Variants in CSGALNACT1 observed in about 807,000 individuals in gnomAD.
The protein encoded by CSGALNACT1 is beta4GalNAcT-1.
CSGALNACT1 carries 52 observed loss-of-function variants against 51.0 expected under a neutral mutation model. The ratio of observed to expected loss-of-function variants is 1.02; its 90% confidence interval spans 0.82 to 1.29. The LOEUF is 1.29. Among genes scored for constraint, CSGALNACT1 ranks in the 50% most tolerant of loss-of-function variants. The pLI is 0.00. For missense variants in CSGALNACT1, 935 were observed against 679.2 expected (o/e 1.38, Z -4.19); for synonymous variants, 341 against 254.4 (o/e 1.34, Z -3.24).
intron 1 of CSGALNACT1, among the ~76,000 whole-genome samples, chr8:19,651,436 C>A (rs1045301584): frequency 2.0e-5 from 3 of 152,148 alleles, no homozygotes; most frequent in East Asian, 1.9e-4. Context: ...TTCAGTTAGG[C>A]CCCAGTGTCT....
chr8:19,475,180 C>T lies in CSGALNACT1; in HGVS notation c.635-16538G>A, dbSNP rs189182162. Among the ~76,000 whole-genome samples, 6 of 152,150 alleles carry T rather than the reference C, an allele frequency of 3.9e-5. No individual in the cohort carries two copies. In the East Asian group the frequency reaches 7.8e-4, roughly 20 times the overall value. ...AGGAAGATTCTCCAGGCCACTTGAC[C>T]AGAGTGTACAAGAGTATGGAGGAAG... On this transcript the variant is annotated intron_variant, in intron 4 of 9. Coordinates refer to ENST00000454498, the Ensembl canonical transcript of CSGALNACT1.
At chr8:19,450,156 G>GGAGGGGGAGGAA (rs2062871451) in intron 5 of CSGALNACT1, among the ~76,000 whole-genome samples, 2 of 86,070 alleles carry the variant, frequency 2.3e-5, no homozygotes, top group Non-Finnish European at 4.8e-5. Context: ...AGGAGGAGGA[G>GGAGGGGGAGGAA]GAGAGGGAGA....
intron 8 of CSGALNACT1, among the ~76,000 whole-genome samples, chr8:19,415,039 T>C (rs2056596887): frequency 1.3e-5 from 2 of 152,226 alleles, no homozygotes; most frequent in Admixed American, 1.3e-4. Flanking sequence ...TGTCAAGACT[T>C]TTCCTTCATA....
At chr8:19,748,920 G>A (rs367625580) in intron 1 of CSGALNACT1, among the ~76,000 whole-genome samples, 10 of 151,000 alleles carry the variant, frequency 6.6e-5, no homozygotes, top group East Asian at 3.9e-4. Flanking sequence ...AGCCGAGATC[G>A]CACCACCACA....
chr8:19,465,674 T>C (rs180813796), intron 4 of CSGALNACT1, among the ~76,000 whole-genome samples: 1 of 152,332 alleles, frequency 6.6e-6, no homozygotes, highest in East Asian at 1.9e-4. Flanking sequence ...CTTCAGGCAC[T>C]TCTGTCTTAG....
At position 19,730,253 on chromosome 8, in the gene CSGALNACT1, C is replaced by A. The variant is rs189506095; in HGVS notation, c.-297+27597G>T. Among the ~76,000 whole-genome samples, 47 of 152,228 alleles carry A rather than the reference C, an allele frequency of 3.1e-4. No homozygotes were observed. In the East Asian group the frequency reaches 8.9e-3, roughly 29 times the overall value. ...CGTTCCTAAATCAGAATGCTCAGAA[C>A]CAACCAAGAGATCATGAAGACCAAG... On this transcript the variant is annotated intron_variant, in intron 1 of 1. Transcript: ENST00000517494.
At chr8:19,531,683 G>GTA (rs2082789115) in intron 3 of CSGALNACT1, 1 of 152,142 alleles carries the variant, frequency 6.6e-6, no homozygotes, top group Non-Finnish European at 1.5e-5. Flanking sequence ...GTATAGCCAA[G>GTA]GTGAAATTTT....
intron 1 of CSGALNACT1, among the ~76,000 whole-genome samples, chr8:19,711,297 T>G (rs1332174443): frequency 6.6e-6 from 1 of 152,110 alleles, no homozygotes; most frequent in African/African-American, 2.4e-5. Context: ...TTAATCAATT[T>G]TAAAGCAGTG....
intron 3 of CSGALNACT1, among the ~76,000 whole-genome samples, chr8:19,512,120 A>C (rs2078581301): frequency 6.6e-6 from 1 of 152,134 alleles, no homozygotes; most frequent in Non-Finnish European, 1.5e-5. Flanking sequence ...GGCATTTGTG[A>C]GATTAAGTTG....
At chr8:19,446,030 T>G (rs1586187410) in intron 5 of CSGALNACT1, among the ~76,000 whole-genome samples, 1 of 151,976 alleles carries the variant, frequency 6.6e-6, no homozygotes, top group Non-Finnish European at 1.5e-5. Flanking sequence ...CAAAAATTAG[T>G]CAGGCCTGGT....
At chr8:19,736,262 T>C (rs2063964576) in intron 1 of CSGALNACT1, among the ~76,000 whole-genome samples, 1 of 152,228 alleles carries the variant, frequency 6.6e-6, no homozygotes, top group African/African-American at 2.4e-5. Context: ...TAGAATATCA[T>C]TCATTTACTT....
At chr8:19,474,593 T>G (rs1354995578) in intron 4 of CSGALNACT1, among the ~76,000 whole-genome samples, 1 of 151,728 alleles carries the variant, frequency 6.6e-6, no homozygotes. Context: ...TCCGGCCAGG[T>G]GTGGTGGCTC....
At chr8:19,479,280 G>C (rs2070691482) in intron 4 of CSGALNACT1, among the ~76,000 whole-genome samples, 1 of 152,174 alleles carries the variant, frequency 6.6e-6, no homozygotes. Flanking sequence ...AACGGCCACA[G>C]CTATAAAGAA....
intron 9 of CSGALNACT1, among the ~76,000 whole-genome samples, chr8:19,408,083 G>T (rs2054703758): frequency 6.6e-6 from 1 of 152,222 alleles, no homozygotes; most frequent in Non-Finnish European, 1.5e-5. Context: ...ACCCTTACTG[G>T]GAGGCTTAGG....
At position 19,591,239 on chromosome 8, in the gene CSGALNACT1, G is replaced by C. The variant is rs2047753865; in HGVS notation, c.-376C>G. The C allele has an allele frequency of 3.3e-5, 5 of 152,236 alleles. No individual in the cohort carries two copies. In the South Asian group the frequency reaches 1.0e-3, roughly 32 times the overall value. 9.4% of individuals were successfully genotyped at this position (152,236 alleles called of 1,614,324 possible). On this transcript the variant is annotated 5_prime_UTR_variant, in exon 3 of 10. Coordinates refer to ENST00000454498, the Ensembl canonical transcript of CSGALNACT1. The stretch of plus-strand genomic sequence containing the variant: ...AAGGTCAGGACCGGACCGGCAGATG[G>C]TCAGCTCCCCACATTTTATGCCTAC...
At chr8:19,623,435 A>G (rs1256153372) in intron 1 of CSGALNACT1, among the ~76,000 whole-genome samples, 1 of 152,232 alleles carries the variant, frequency 6.6e-6, no homozygotes. Context: ...GAATTTGAGA[A>G]GTCAATCTCA....
At chr8:19,719,734 T>A (rs922977791) in intron 1 of CSGALNACT1, among the ~76,000 whole-genome samples, 4 of 152,214 alleles carry the variant, frequency 2.6e-5, no homozygotes, top group African/African-American at 9.6e-5. Context: ...CGTGGGAGGA[T>A]GCCAGACAAT....
chr8:19,531,934 G>C (rs2082849778), intron 3 of CSGALNACT1: 1 of 152,128 alleles, frequency 6.6e-6, no homozygotes, highest in Admixed American at 6.6e-5. Flanking sequence ...CTTTTCCCTG[G>C]ATGCTTGGGC....
chr8:19,666,775 GAA>G (rs1274523841), intron 1 of CSGALNACT1, among the ~76,000 whole-genome samples: 1 of 7,172 alleles, frequency 1.4e-4, no homozygotes, highest in African/African-American at 6.7e-4. Context: ...AAGAAAGAAA[GAA>G]AGAAAGAAAG....
Sources: gnomAD v4.1 joint callset for allele counts (sites outside exome capture counted in the v4.1 genomes callset) on GRCh38, gnomAD v4.1.1 for gene constraint, MANE v1.5 for transcripts, NCBI Gene and HGNC (gene_info 2026-07-23, HGNC 2026-07-21) for gene names.